The following MEPCE variants were observed in gnomAD, a reference collection of about 807,000 sequenced individuals.
The protein encoded by MEPCE is 7SK snRNA methylphosphate capping enzyme.
Under a neutral mutation model 52.3 loss-of-function variants are expected in MEPCE, and 9 were observed. That is an observed-to-expected ratio of 0.17 (90% confidence interval 0.10 to 0.30). MEPCE has a LOEUF of 0.30. Ranked by LOEUF, MEPCE falls within the 10% of genes least tolerant of loss-of-function variation. MEPCE has a pLI of 1.00. For synonymous variants in MEPCE, 477 were observed against 401.6 expected (o/e 1.19, Z -2.25); for missense variants, 826 against 933.0 (o/e 0.89, Z 1.49).
At position 100,433,656 on chromosome 7, in the gene MEPCE, A is replaced by T; in HGVS notation, c.*102A>T. ...AAGGTCTTTCCTTTCTGACTCCAAAAATAGTTTCCTTTCTTGGATCTGCAA... is the reference window on the plus strand; with the variant it reads ...AAGGTCTTTCCTTTCTGACTCCAAATATAGTTTCCTTTCTTGGATCTGCAA... On this transcript the variant is annotated 3_prime_UTR_variant, in exon 4 of 4. Transcript: ENST00000310512. The T allele has an allele frequency of 8.3e-7, 1 of 1,203,482 alleles. No individual in the cohort carries two copies. The allele number at this position is 1,203,482 out of a possible 1,614,324, so 74.6% of individuals were successfully genotyped here. A position where few individuals can be genotyped will look rare whatever the true frequency, so the allele number is the denominator to read the frequency against.
In MEPCE at chr7:100,430,888, C is replaced by A. The variant is rs1350500472; in HGVS notation, c.870C>A (p.Leu290=). Residue 290 remains leucine, a synonymous_variant, in exon 1 of 4, where the codon CTC becomes CTA. Transcript: ENST00000310512. ...ACCCCGTGCCGCCCACAGCCCCTCTCACCCCCTTACTCCACGGGGAGGGCG... is the reference window on the plus strand; with the variant it reads ...ACCCCGTGCCGCCCACAGCCCCTCTAACCCCCTTACTCCACGGGGAGGGCG... ...ESHPVPPTAP[L]TPLLHGEGAS... is the part of the protein sequence containing the mutation. 2 of 1,609,336 alleles carry A rather than the reference C, an allele frequency of 1.2e-6. No individual in the cohort carries two copies. The highest frequency in any genetic ancestry group is 4.5e-5 in the East Asian group (2 of 44,812).
Position 100,432,908 on chromosome 7 carries a change from C to T in MEPCE, c.1672-11C>T. The stretch of plus-strand genomic sequence containing the variant: ...CCCTCAGTTGACCTCACTGCCGATT[C>T]TTGCCCTCAGGGTAATTATGTGCTG... On this transcript the variant is annotated splice_polypyrimidine_tract_variant and intron_variant, in intron 1 of 3. Coordinates refer to ENST00000310512, the MANE Select transcript of MEPCE (RefSeq NM_019606.6). The T allele has an allele frequency of 1.2e-6, 2 of 1,613,178 alleles. No individual in the cohort carries two copies. The highest frequency in any genetic ancestry group is 1.7e-6 in the Non-Finnish European group (2 of 1,179,248).
Position 100,430,395 on chromosome 7 carries a change from C to A in MEPCE, c.377C>A (p.Pro126His). 6.6e-7 allele frequency: 1 copy of A among 1,515,308 alleles called. No homozygotes were observed. The highest frequency in any genetic ancestry group is 8.8e-7 in the Non-Finnish European group (1 of 1,133,782). The allele number at this position is 1,515,308 out of a possible 1,614,324, so 93.9% of individuals were successfully genotyped here. ...GGAGGGGGCGGGACAGAGCTGGGTC[C>A]CCCTGCTCCTCCTCGACCCCGCAAT... ...RRGGGGTELG[P>H]PAPPRPRNGY... The change falls in exon 1 of 4, where the codon CCC becomes CAC. Residue 126 changes from proline to histidine, a missense_variant. By Grantham distance (77) the Pro-to-His change is moderately conservative. Around this residue, in one of 7 missense-constraint regions of MEPCE, gnomAD observed 314 missense variants for 277.7 expected, o/e 1.13. Transcript: ENST00000310512.
At chr7:100,429,690 G>A, upstream of MEPCE, 1 of 274,670 alleles carries the variant, frequency 3.6e-6, no homozygotes, top group Non-Finnish European at 6.8e-6. Flanking sequence ...AACCAGGGTG[G>A]TGGCGGAGTG....
Position 100,433,486 on chromosome 7 carries a change from C to T in MEPCE, c.2018-16C>T. 1 of 1,614,000 alleles carries T rather than the reference C, an allele frequency of 6.2e-7. No individual in the cohort carries two copies. ...AGGTGCTGCCAACCCCTTCTGATCACTCTCTCTCCCCTCAGGCTTCCAGCG... is the reference window on the plus strand; with the variant it reads ...AGGTGCTGCCAACCCCTTCTGATCATTCTCTCTCCCCTCAGGCTTCCAGCG... On this transcript the variant is annotated splice_polypyrimidine_tract_variant and intron_variant, in intron 3 of 3. Transcript: ENST00000310512.
Position 100,431,294 on chromosome 7 carries a change from A to C in MEPCE, c.1276A>C (p.Asn426His). 1 of 1,614,158 alleles carries C rather than the reference A, an allele frequency of 6.2e-7. No individual in the cohort carries two copies. The highest frequency in any genetic ancestry group is 8.5e-7 in the Non-Finnish European group (1 of 1,180,038). ...GNYCKYYGYR[N>H]PSCEDGRLRV... ...TTATTGCAAATACTATGGGTACCGC[A>C]ATCCTTCCTGTGAGGATGGGCGCCT... The change falls in exon 1 of 4, where the codon AAT becomes CAT. Residue 426 changes from asparagine to histidine, a missense_variant. Coordinates refer to ENST00000310512, the MANE Select transcript of MEPCE (RefSeq NM_019606.6).
chr7:100,433,607 C>A lies in MEPCE; in HGVS notation c.*53C>A, dbSNP rs932930345. 6.4e-6 allele frequency: 10 copies of A among 1,555,146 alleles called. No individual in the cohort carries two copies. In the African/African-American group the frequency reaches 1.4e-4, roughly 21 times the overall value. ...AGGCTGCCCTCGCTGCTCATAAGGA[C>A]CTGGGGGAAGAGGAAAGTGTCCCAA... On this transcript the variant is annotated 3_prime_UTR_variant, in exon 4 of 4. Coordinates refer to ENST00000310512, the MANE Select transcript of MEPCE (RefSeq NM_019606.6).
At position 100,430,643 on chromosome 7, in the gene MEPCE, C is replaced by G; in HGVS notation, c.625C>G (p.Leu209Val). The G allele has an allele frequency of 1.2e-6, 2 of 1,613,732 alleles. No homozygotes were observed. Among genetic ancestry groups the G allele is most frequent in the Non-Finnish European group, 1.7e-6 (2 of 1,179,990 alleles). Residue 209 changes from leucine (L) to valine (V), a missense_variant, in exon 1 of 4, where the codon CTC (leucine) becomes GTC (valine). Physicochemically the swap from Leu to Val is conservative, Grantham distance 32. Transcript: ENST00000310512. ...CCTGGATGAGGAAGTGAGCCGCACTCTCAACGCGGAGACCCCTAAGTCATC... is the reference window on the plus strand; with the variant it reads ...CCTGGATGAGGAAGTGAGCCGCACTGTCAACGCGGAGACCCCTAAGTCATC... The part of the protein sequence containing the change: ...SLLDEEVSRT[L>V]NAETPKSSPL...
chr7:100,429,767 G>A, upstream of MEPCE: 1 of 378,828 alleles, frequency 2.6e-6, no homozygotes, highest in South Asian at 1.4e-4. Context: ...GGGTGGTAGT[G>A]GCGGAGGAGA....
Position 100,430,821 on chromosome 7 carries a change from A to C in MEPCE, c.803A>C (p.Gln268Pro). 6.2e-7 allele frequency: 1 copy of C among 1,612,292 alleles called. No individual in the cohort carries two copies. Among genetic ancestry groups the C allele is most frequent in the South Asian group, 1.1e-5 (1 of 91,050 alleles). Residue 268 changes from glutamine to proline, a missense_variant, in exon 1 of 4, where the codon CAG becomes CCG. Physicochemically the swap from Gln to Pro is moderately conservative, Grantham distance 76 (BLOSUM62 -1). Around this residue, in one of 7 missense-constraint regions of MEPCE, gnomAD observed 307 missense variants for 292.1 expected, o/e 1.05. Coordinates refer to ENST00000310512, the MANE Select transcript of MEPCE (RefSeq NM_019606.6). ...TGRKRHRHRG[Q>P]HHQQQQAAGG... The stretch of plus-strand genomic sequence containing the variant: ...CGGAAGCGGCATAGACACCGGGGAC[A>C]GCACCACCAGCAGCAGCAGGCAGCC...
chr7:100,433,562 C>T lies in MEPCE; in HGVS notation c.*8C>T, dbSNP rs1798786875. Reference sequence around the variant, plus strand: ...CGATCCCCCAGCCACTAAGTGGCCCCCTAAACAGAAAGTGTGAAGAGGCTG... The same window carrying T: ...CGATCCCCCAGCCACTAAGTGGCCCTCTAAACAGAAAGTGTGAAGAGGCTG... On this transcript the variant is annotated 3_prime_UTR_variant, in exon 4 of 4. Transcript: ENST00000310512. The T allele has an allele frequency of 6.2e-7, 1 of 1,611,894 alleles. No homozygotes were observed. Among genetic ancestry groups the T allele is most frequent in the Non-Finnish European group, 8.5e-7 (1 of 1,179,858 alleles).
chr7:100,430,519 C>T lies in MEPCE; in HGVS notation c.501C>T (p.Phe167=), dbSNP rs1392812090. ...GGGGGFKHPA[F]KRRRRVNSDC... Reference sequence around the variant, plus strand: ...GGGGAGGCTTCAAACATCCGGCCTTCAAGAGGCGCAGGCGGGTGAATTCGG... The same window carrying T: ...GGGGAGGCTTCAAACATCCGGCCTTTAAGAGGCGCAGGCGGGTGAATTCGG... Residue 167 remains phenylalanine, a synonymous_variant, in exon 1 of 4, where the codon TTC becomes TTT. Transcript: ENST00000310512. The T allele has an allele frequency of 1.3e-6, 2 of 1,584,060 alleles. No individual in the cohort carries two copies. The highest frequency in any genetic ancestry group is 1.7e-6 in the Non-Finnish European group (2 of 1,165,094).
At position 100,430,146 on chromosome 7, in the gene MEPCE, T is replaced by C. The variant is rs1199403319; in HGVS notation, c.128T>C (p.Leu43Pro). The change falls in exon 1 of 4, where the codon CTC (leucine) becomes CCC (proline). Residue 43 changes from leucine to proline, a missense_variant. Leu to Pro is a moderately conservative substitution (Grantham distance 98). Around this residue, in one of 7 missense-constraint regions of MEPCE, gnomAD observed 314 missense variants for 277.7 expected, o/e 1.13. Coordinates refer to ENST00000310512, the MANE Select transcript of MEPCE (RefSeq NM_019606.6). ...CACCAAGAGGCCGCCTCTGGGGAGCTCCGCGGCGGGACGGAGCGTGGTCCG... is the reference window on the plus strand; with the variant it reads ...CACCAAGAGGCCGCCTCTGGGGAGCCCCGCGGCGGGACGGAGCGTGGTCCG... Reference protein sequence around the residue: ...PPHQEAASGELRGGTERGPGR... With the variant: ...PPHQEAASGEPRGGTERGPGR... 5.4e-6 allele frequency: 7 copies of C among 1,285,486 alleles called. No individual in the cohort carries two copies. The highest frequency in any genetic ancestry group is 6.9e-6 in the Non-Finnish European group (7 of 1,017,796). The allele number at this position is 1,285,486 out of a possible 1,614,324, so 79.6% of individuals were successfully genotyped here.
rs757089652 is a variant in MEPCE, at chr7:100,431,251, C to G, written c.1233C>G (p.Arg411=). ...LPAAGFKKQQ[R]KFQYGNYCKY... ...CAGCAGGCTTCAAAAAGCAACAGCG[C>G]AAGTTCCAGTATGGGAATTATTGCA... is the stretch of plus-strand genomic sequence containing the variant. The change falls in exon 1 of 4, where the codon CGC becomes CGG. Residue 411 remains arginine (R), a synonymous_variant. Coordinates refer to ENST00000310512, the MANE Select transcript of MEPCE (RefSeq NM_019606.6). 5.0e-6 allele frequency: 8 copies of G among 1,614,106 alleles called. No individual in the cohort carries two copies. Among genetic ancestry groups the G allele is most frequent in the Non-Finnish European group, 5.9e-6 (7 of 1,180,034 alleles).
Position 100,430,999 on chromosome 7 carries a change from AGTG to A in MEPCE, c.985_987del (p.Val329del). 6.2e-7 allele frequency: 1 copy of A among 1,613,512 alleles called. No individual in the cohort carries two copies. Among genetic ancestry groups the A allele is most frequent in the Non-Finnish European group, 8.5e-7 (1 of 1,179,730 alleles). On this transcript the variant is annotated inframe_deletion, in exon 1 of 4. Coordinates refer to ENST00000310512, the MANE Select transcript of MEPCE (RefSeq NM_019606.6). ...ACACAGCCATCAACTGCAGGGATGAAGTGGTGTCTCCCCTTCCATCTGCTCTGC... is the reference window on the plus strand; with the variant it reads ...ACACAGCCATCAACTGCAGGGATGAAGTGTCTCCCCTTCCATCTGCTCTGC...
rs759501706 is a variant in MEPCE, at chr7:100,430,657, C to T, written c.639C>T (p.Thr213=). The part of the protein sequence containing the change: ...EEVSRTLNAE[T]PKSSPLPAKG... ...TGAGCCGCACTCTCAACGCGGAGAC[C>T]CCTAAGTCATCCCCCCTTCCGGCCA... is the stretch of plus-strand genomic sequence containing the variant. Residue 213 remains threonine, a synonymous_variant, in exon 1 of 4, where the codon ACC becomes ACT. Coordinates refer to ENST00000310512, the MANE Select transcript of MEPCE (RefSeq NM_019606.6). 1.2e-5 allele frequency: 20 copies of T among 1,613,696 alleles called. No homozygotes were observed. The highest frequency in any genetic ancestry group is 1.6e-5 in the Non-Finnish European group (19 of 1,180,004).
Position 100,430,059 on chromosome 7 carries a change from C to T in MEPCE, c.41C>T (p.Pro14Leu). ...GCGGAGAAGGAGCCGTTTCTGGTGCCGGCCCCGCCGCCGCCGCTCAAAGAT... is the reference window on the plus strand; with the variant it reads ...GCGGAGAAGGAGCCGTTTCTGGTGCTGGCCCCGCCGCCGCCGCTCAAAGAT... Reference protein sequence around the residue: ...MAAEKEPFLVPAPPPPLKDES... With the variant: ...MAAEKEPFLVLAPPPPLKDES... Residue 14 changes from proline (P) to leucine (L), a missense_variant, in exon 1 of 4, where the codon CCG becomes CTG. Around this residue, in one of 7 missense-constraint regions of MEPCE, gnomAD observed 314 missense variants for 277.7 expected, o/e 1.13. Transcript: ENST00000310512. 6 of 1,267,510 alleles carry T rather than the reference C, an allele frequency of 4.7e-6. No individual in the cohort carries two copies. Among genetic ancestry groups the T allele is most frequent in the Non-Finnish European group, 6.0e-6 (6 of 1,006,802 alleles). 78.5% of individuals were successfully genotyped at this position (1,267,510 alleles called of 1,614,324 possible).
At position 100,432,996 on chromosome 7, in the gene MEPCE, C is replaced by A. The variant is rs150428978; in HGVS notation, c.1749C>A (p.Leu583=). 2.2e-5 allele frequency: 35 copies of A among 1,613,938 alleles called. No homozygotes were observed. The African/African-American group carries it at 4.5e-4, about 21-fold the overall frequency. The change falls in exon 2 of 4, where the codon CTC becomes CTA. Residue 583 remains leucine (L), a synonymous_variant. Coordinates refer to ENST00000310512, the MANE Select transcript of MEPCE (RefSeq NM_019606.6). ...ATGATGTGGTGCTCTGCCTCAGCCT[C>A]ACCAAGTGGGTGCATCTGAACTGGG... ...PEYDVVLCLS[L]TKWVHLNWGD...
chr7:100,430,082 G>A lies in MEPCE; in HGVS notation c.64G>A (p.Asp22Asn), dbSNP rs1176711269. The A allele has an allele frequency of 1.6e-6, 2 of 1,267,228 alleles. No homozygotes were observed. The highest frequency in any genetic ancestry group is 2.0e-6 in the Non-Finnish European group (2 of 1,006,664). 78.5% of individuals were successfully genotyped at this position (1,267,228 alleles called of 1,614,324 possible). The part of the protein sequence containing the change: ...LVPAPPPPLK[D>N]ESGGGGGPTV... ...GCCGGCCCCGCCGCCGCCGCTCAAA[G>A]ATGAGTCGGGCGGAGGGGGCGGCCC... is the stretch of plus-strand genomic sequence containing the variant. Residue 22 changes from aspartate to asparagine, a missense_variant, in exon 1 of 4, where the codon GAT becomes AAT. Physicochemically the swap from Asp to Asn is conservative, Grantham distance 23. Around this residue, in one of 7 missense-constraint regions of MEPCE, gnomAD observed 314 missense variants for 277.7 expected, o/e 1.13. Coordinates refer to ENST00000310512, the MANE Select transcript of MEPCE (RefSeq NM_019606.6).
Sources: allele counts gnomAD v4.1 joint callset, GRCh38; gene constraint gnomAD v4.1.1; regional missense constraint gnomAD v4.1.1; transcripts MANE v1.5; gene names NCBI Gene and HGNC (gene_info 2026-07-23, HGNC 2026-07-21).